GCNT2: variants seen among roughly 807,000 people sequenced by gnomAD.
The protein encoded by GCNT2 is glucosaminyl (N-acetyl) transferase 2 (I blood group).
In GCNT2, 34 loss-of-function variants were observed where a neutral mutation model predicts 34.2. That is an observed-to-expected ratio of 1.00 (90% CI 0.76 to 1.32). The LOEUF (loss-of-function observed/expected upper bound fraction) is 1.32. Ranked by LOEUF, GCNT2 falls within the 40% of genes most tolerant of loss-of-function variation. The pLI is 0.00. For synonymous variants in GCNT2, 212 were observed against 188.0 expected, an observed-to-expected ratio of 1.13 and a Z score of -1.04; for missense variants, 584 against 489.4, an observed-to-expected ratio of 1.19 and a Z score of -1.82.
At chr6:10,552,672 CT>C (rs1762534426) in intron 3 of GCNT2, among the ~76,000 whole-genome samples, 1 of 152,138 alleles carries the variant, frequency 6.6e-6, no homozygotes, top group Admixed American at 6.5e-5. Context: ...CATTTGTGGA[CT>C]TTGTATCCTC....
At chr6:10,603,546 C>A (rs1481153106) in intron 3 of GCNT2, among the ~76,000 whole-genome samples, 1 of 152,156 alleles carries the variant, frequency 6.6e-6, no homozygotes, top group African/African-American at 2.4e-5. Flanking sequence ...GACAGAGTCT[C>A]TCTCTGTTGC....
intron 3 of GCNT2, chr6:10,619,676 T>G (rs1391173634): frequency 1.3e-5 from 2 of 152,172 alleles, no homozygotes; most frequent in Non-Finnish European, 2.9e-5. Flanking sequence ...TTTTTCTCAT[T>G]AGCATGTGTA....
At position 10,529,604 on chromosome 6, in the gene GCNT2, C is replaced by T. The variant is rs147103060; in HGVS notation, c.693C>T (p.Tyr231=). The change falls in exon 3 of 5, where the codon TAC becomes TAT. Residue 231 remains tyrosine, a synonymous_variant. Coordinates refer to ENST00000495262, the MANE Select transcript of GCNT2 (RefSeq NM_145649.5). ...ACCACGCTGTTGGACGGACTAAATA[C>T]GTCCACCAAGAACTGTTAAACCACA... is the stretch of plus-strand genomic sequence containing the variant. ...PPDHAVGRTK[Y]VHQELLNHKN... The T allele has an allele frequency of 1.1e-4, 184 of 1,613,958 alleles. No individual in the cohort carries two copies. The African/African-American group carries it at 1.9e-3, about 16-fold the overall frequency.
intron 3 of GCNT2, among the ~76,000 whole-genome samples, chr6:10,581,398 G>A (rs896678072): frequency 9.2e-5 from 14 of 151,884 alleles, no homozygotes; most frequent in African/African-American, 2.9e-4. Flanking sequence ...ATCCTCCCTC[G>A]TAGCTGGGAT....
At chr6:10,557,823 T>C (rs1342945292) in intron 3 of GCNT2, among the ~76,000 whole-genome samples, 2 of 152,236 alleles carry the variant, frequency 1.3e-5, no homozygotes, top group African/African-American at 4.8e-5. Context: ...ATAATTCACA[T>C]GTTCTAGCAC....
At chr6:10,547,079 A>G (rs1049998247) in intron 3 of GCNT2, among the ~76,000 whole-genome samples, 4 of 152,234 alleles carry the variant, frequency 2.6e-5, no homozygotes, top group African/African-American at 7.2e-5. Flanking sequence ...CTTAACAAGA[A>G]TAGTATAAAG....
chr6:10,551,090 T>C (rs1252865426), intron 3 of GCNT2, among the ~76,000 whole-genome samples: 1 of 152,222 alleles, frequency 6.6e-6, no homozygotes, highest in Non-Finnish European at 1.5e-5. Flanking sequence ...TTTGGCAACT[T>C]AGTTTTCATT....
intron 3 of GCNT2, chr6:10,575,139 T>C: frequency 2.3e-6 from 1 of 428,870 alleles, no homozygotes; most frequent in South Asian, 2.5e-5. Flanking sequence ...GATTCACATA[T>C]ACGTGGCCAA....
intron 3 of GCNT2, chr6:10,587,017 C>T (rs1764385230): frequency 2.3e-6 from 2 of 856,296 alleles, no homozygotes; most frequent in Non-Finnish European, 3.8e-6. Context: ...AATTTAAATA[C>T]TTAGAAAACT....
chr6:10,575,613 G>A (rs1763772077), intron 3 of GCNT2, among the ~76,000 whole-genome samples: 1 of 152,200 alleles, frequency 6.6e-6, no homozygotes, highest in African/African-American at 2.4e-5. Context: ...GCACGTATAT[G>A]CCCAGATGGC....
At chr6:10,528,508 G>C in intron 2 of GCNT2, 123 bp from the exon 3 acceptor site, 1 of 268,412 alleles carries the variant, frequency 3.7e-6, no homozygotes, top group Non-Finnish European at 7.2e-6. Context: ...ACAAGAGGCT[G>C]AGGTTAAGGT....
rs201257236 is a variant in GCNT2 at position 10,537,698 on chromosome 6, C to CAAAAAAA, written c.925+7884_925+7890dup. 1.1e-3 allele frequency among the ~76,000 whole-genome samples: 88 copies of CAAAAAAA among 83,188 alleles called. 1 individual carries two copies. The highest frequency in any genetic ancestry group is 2.6e-3 in the African/African-American group (45 of 17,206). The allele number at this position is 83,188 out of a possible 152,430, so 54.6% of individuals were successfully genotyped here. A position where few individuals can be genotyped will look rare whatever the true frequency, so the allele number is the denominator to read the frequency against. On this transcript the variant is annotated intron_variant, in intron 3 of 4. Coordinates refer to ENST00000495262, the MANE Select transcript of GCNT2 (RefSeq NM_145649.5). ...CCTGGGCAAGAGGGAGATTCTGCCG[C>CAAAAAAA]AAAAAAAAAAAAAAAAAAAAAAAAA...
intron 3 of GCNT2, chr6:10,530,292 G>A (rs1465178425): frequency 1.2e-5 from 2 of 162,904 alleles, no homozygotes; most frequent in Non-Finnish European, 1.4e-5. Context: ...TTGAACCCAA[G>A]GGGCGGAGGT....
intron 3 of GCNT2, among the ~76,000 whole-genome samples, chr6:10,615,436 TC>T (rs1267651740): frequency 6.6e-6 from 1 of 152,064 alleles, no homozygotes; most frequent in Non-Finnish European, 1.5e-5. Flanking sequence ...CACCTCAGTC[TC>T]CCGAACACCT....
At chr6:10,571,601 C>T (rs948583554) in intron 3 of GCNT2, among the ~76,000 whole-genome samples, 2 of 152,112 alleles carry the variant, frequency 1.3e-5, no homozygotes, top group African/African-American at 2.4e-5. Context: ...GACCCACCCA[C>T]CTCAGCCTCC....
chr6:10,568,616 A>G (rs558870228), intron 3 of GCNT2, among the ~76,000 whole-genome samples: 2 of 152,318 alleles, frequency 1.3e-5, no homozygotes, highest in South Asian at 2.1e-4. Context: ...AGTGAGTGTC[A>G]ACAACTTATT....
chr6:10,555,837 G>T, intron 3 of GCNT2: 1 of 985,398 alleles, frequency 1.0e-6, no homozygotes, highest in Non-Finnish European at 1.2e-6. Context: ...GAAACAGCAC[G>T]TTGGAAAACA....
At chr6:10,554,893 G>T (rs1261412436) in intron 3 of GCNT2, among the ~76,000 whole-genome samples, 1 of 152,150 alleles carries the variant, frequency 6.6e-6, no homozygotes, top group East Asian at 1.9e-4. Flanking sequence ...CATGAAAAAT[G>T]TAAACAATGA....
chr6:10,525,393 T>C (rs1304900537), intron 1 of GCNT2, among the ~76,000 whole-genome samples: 1 of 152,180 alleles, frequency 6.6e-6, no homozygotes, highest in East Asian at 1.9e-4. Flanking sequence ...TTAATTTTGA[T>C]CTGAAATTCA....
Sources: allele counts gnomAD v4.1 joint callset (sites outside exome capture counted in the v4.1 genomes callset), GRCh38; gene constraint gnomAD v4.1.1; transcripts MANE v1.5; gene names NCBI Gene and HGNC (gene_info 2026-07-23, HGNC 2026-07-21).